HIF3A: variants seen among roughly 807,000 people sequenced by gnomAD.
HIF3A encodes hypoxia inducible factor 3 subunit alpha, also known as hypoxia-inducible factor 3-alpha.
HIF3A carries 41 observed loss-of-function variants against 67.2 expected under a neutral mutation model. The observed-to-expected ratio is 0.61, with a 90% confidence interval of 0.48 to 0.79. The LOEUF is 0.79. Among genes scored for constraint, HIF3A ranks in the 30% least tolerant of loss-of-function variants. The pLI is 0.00. For missense variants in HIF3A, 855 were observed against 898.0 expected (o/e 0.95, Z 0.61); for synonymous variants, 356 against 374.8 (o/e 0.95, Z 0.58).
At position 46,308,261 on chromosome 19, in the gene HIF3A, C is replaced by T; in HGVS notation, c.404C>T (p.Pro135Leu). The change falls in exon 4 of 15, where the codon CCC becomes CTC. Residue 135 changes from proline (P) to leucine (L), a missense_variant. Coordinates refer to ENST00000377670, the MANE Select transcript of HIF3A (RefSeq NM_152795.4). The stretch of plus-strand genomic sequence containing the variant: ...CACAGCATCTTTGATTTCATCCACC[C>T]CTGTGACCAAGAGGAGCTTCAGGAC... ...IGHSIFDFIH[P>L]CDQEELQDAL... The T allele has an allele frequency of 1.2e-6, 2 of 1,613,924 alleles. No individual in the cohort carries two copies. Among genetic ancestry groups the T allele is most frequent in the Non-Finnish European group, 1.7e-6 (2 of 1,179,884 alleles).
chr19:46,325,741 G>A, intron 11 of HIF3A, 102 bp downstream of exon 11: 8 of 709,768 alleles, frequency 1.1e-5, no homozygotes, highest in South Asian at 3.3e-5. Flanking sequence ...GGAATGAATG[G>A]ATGGATGGAT....
intron 14 of HIF3A, among the ~76,000 whole-genome samples, chr19:46,338,836 C>T (rs1478609054): frequency 6.6e-6 from 1 of 152,104 alleles, no homozygotes; most frequent in African/African-American, 2.4e-5. Context: ...CCCTGAACAC[C>T]CCAGAGAGGT....
Position 46,339,650 on chromosome 19 carries a change from C to G in HIF3A, c.*28C>G, listed in dbSNP as rs1971862622. 2 of 1,521,656 alleles carry G rather than the reference C, an allele frequency of 1.3e-6. No homozygotes were observed. Among genetic ancestry groups the G allele is most frequent in the African/African-American group, 1.4e-5 (1 of 72,254 alleles). The allele number at this position is 1,521,656 out of a possible 1,614,324, so 94.3% of individuals were successfully genotyped here. A position where few individuals can be genotyped will look rare whatever the true frequency, so the allele number is the denominator to read the frequency against. On this transcript the variant is annotated 3_prime_UTR_variant, in exon 15 of 15. Transcript: ENST00000377670. ...CGGCTCCTCTCCCCATCTGCCTTCTCCTCCCCCAGAAAGGACCTCAACCAC... is the reference window on the plus strand; with the variant it reads ...CGGCTCCTCTCCCCATCTGCCTTCTGCTCCCCCAGAAAGGACCTCAACCAC...
At chr19:46,307,893 C>T (rs189262648) in intron 3 of HIF3A, among the ~76,000 whole-genome samples, 96 of 152,032 alleles carry the variant, frequency 6.3e-4, no homozygotes, top group African/African-American at 1.9e-3. Context: ...GCCACTGCCC[C>T]GCTGCATTCC....
At chr19:46,336,028 G>A (rs1391259767) in intron 14 of HIF3A, among the ~76,000 whole-genome samples, 1 of 151,324 alleles carries the variant, frequency 6.6e-6, no homozygotes, top group South Asian at 2.1e-4. Flanking sequence ...GTGACAGGGC[G>A]AGATCCTGTC....
chr19:46,321,999 T>C, intron 10 of HIF3A, 33 bp downstream of exon 10: 2 of 1,605,934 alleles, frequency 1.2e-6, no homozygotes, highest in Non-Finnish European at 1.7e-6. Flanking sequence ...GCCCTCAGCA[T>C]CCAGTGCTCA....
At position 46,309,195 on chromosome 19, in the gene HIF3A, G is replaced by T. The variant is rs145463725; in HGVS notation, c.606G>T (p.Ala202=). 6.2e-7 allele frequency: 1 copy of T among 1,613,948 alleles called. No homozygotes were observed. The highest frequency in any genetic ancestry group is 1.1e-5 in the South Asian group (1 of 91,080). ...ATATGAGGGCCTACAAGCCACCTGC[G>T]CAGACTTCTCCAGCTGGGAGCCCTG... ...SGHMRAYKPP[A]QTSPAGSPDS... Residue 202 remains alanine (A), a synonymous_variant, in exon 6 of 15, where the codon GCG becomes GCT. Transcript: ENST00000377670.
intron 8 of HIF3A, among the ~76,000 whole-genome samples, chr19:46,314,485 C>T (rs1969759836): frequency 6.8e-6 from 1 of 147,338 alleles, no homozygotes; most frequent in African/African-American, 2.5e-5. Context: ...AATTGTGTAA[C>T]CACTATCACA....
At chr19:46,298,899 A>G (rs1043655687) in intron 1 of HIF3A, among the ~76,000 whole-genome samples, 4 of 150,472 alleles carry the variant, frequency 2.7e-5, no homozygotes, top group Non-Finnish European at 5.9e-5. Flanking sequence ...CCCCCCCCCA[A>G]TACCCAGCTG....
chr19:46,339,724 C>T lies in HIF3A; in HGVS notation c.*102C>T, dbSNP rs10402090. ...CAGGATGGGGGCGCCAGGAGAGGGGCCCCTCTCTCCTCTATGTACCCCCTG... is the reference window on the plus strand; with the variant it reads ...CAGGATGGGGGCGCCAGGAGAGGGGTCCCTCTCTCCTCTATGTACCCCCTG... On this transcript the variant is annotated 3_prime_UTR_variant, in exon 15 of 15. Transcript: ENST00000377670. 2.8e-3 allele frequency: 2,072 copies of T among 746,178 alleles called. 37 individuals carry two copies. The African/African-American group carries it at 0.033, about 12-fold the overall frequency. 46.2% of individuals were successfully genotyped at this position (746,178 alleles called of 1,614,324 possible).
chr19:46,304,332 C>G (rs2072491), intron 2 of HIF3A: 1 of 571,460 alleles, frequency 1.7e-6, no homozygotes, highest in Non-Finnish European at 3.1e-6. Context: ...TGAGGCCCCG[C>G]CCCTGGAACG....
chr19:46,319,624 G>A (rs537288409), intron 8 of HIF3A, among the ~76,000 whole-genome samples: 52 of 152,226 alleles, frequency 3.4e-4, no homozygotes, highest in African/African-American at 1.1e-3. Flanking sequence ...TTCCTATTTG[G>A]TCATGTAATG....
intron 14 of HIF3A, chr19:46,338,653 C>A: frequency 2.4e-6 from 1 of 417,756 alleles, no homozygotes; most frequent in Non-Finnish European, 3.3e-6. Flanking sequence ...TTATTCCTCA[C>A]AACAGAGGAG....
chr19:46,329,894 G>A (rs907050435), intron 12 of HIF3A, among the ~76,000 whole-genome samples: 2 of 148,680 alleles, frequency 1.3e-5, no homozygotes, highest in African/African-American at 5.0e-5. Flanking sequence ...CCAGGAGATC[G>A]AGGCTGCAGC....
chr19:46,332,624 T>C (rs77766885), intron 13 of HIF3A, among the ~76,000 whole-genome samples: 3,572 of 152,316 alleles, frequency 0.023, 168 homozygotes, highest in African/African-American at 0.082. Context: ...CCTCTAGTGC[T>C]TACAGCAGTG....
rs988299704 is a variant in HIF3A, at chr19:46,313,266, C to G, written c.1025+613C>G. On this transcript the variant is annotated intron_variant, in intron 8 of 14. Coordinates refer to ENST00000377670, the MANE Select transcript of HIF3A (RefSeq NM_152795.4). Reference sequence around the variant, plus strand: ...ACTCTGTCTCAAACAAACAAACAAACAAACAAACAAAAGGACTCTATATTC... The same window carrying G: ...ACTCTGTCTCAAACAAACAAACAAAGAAACAAACAAAAGGACTCTATATTC... 70 of 970,920 alleles carry G rather than the reference C, an allele frequency of 7.2e-5. No individual in the cohort carries two copies. The African/African-American group carries it at 1.1e-3, about 15-fold the overall frequency. The allele number at this position is 970,920 out of a possible 1,614,324, so 60.1% of individuals were successfully genotyped here.
In HIF3A at chr19:46,342,711, A is replaced by G. The variant is rs1971973215; in HGVS notation, c.*3089A>G. 1 of 152,194 alleles carries G rather than the reference A, an allele frequency of 6.6e-6. No homozygotes were observed. Among genetic ancestry groups the G allele is most frequent in the South Asian group, 2.1e-4 (1 of 4,830 alleles). The allele number at this position is 152,194 out of a possible 1,614,324, so 9.4% of individuals were successfully genotyped here. A position where few individuals can be genotyped will look rare whatever the true frequency, so the allele number is the denominator to read the frequency against. On this transcript the variant is annotated 3_prime_UTR_variant, in exon 15 of 15. Transcript: ENST00000377670. ...AAAGATTCCTCTGGTTCTGAATCTTATAACCTCAACTCCCTAATTCCAGAC... is the reference window on the plus strand; with the variant it reads ...AAAGATTCCTCTGGTTCTGAATCTTGTAACCTCAACTCCCTAATTCCAGAC...
chr19:46,331,076 A>G (rs1971176954), intron 12 of HIF3A, 80 bp from the exon 13 acceptor site: 1 of 1,060,650 alleles, frequency 9.4e-7, no homozygotes, highest in South Asian at 1.5e-5. Flanking sequence ...GAGTGAATGA[A>G]TGCTCATCAC....
At chr19:46,310,190 A>G (rs1227779976) in intron 6 of HIF3A, among the ~76,000 whole-genome samples, 1 of 152,102 alleles carries the variant, frequency 6.6e-6, no homozygotes, top group Admixed American at 6.5e-5. Context: ...GCACCATTGC[A>G]CTCCAGCCTA....
Sources: allele counts gnomAD v4.1 joint callset (sites outside exome capture counted in the v4.1 genomes callset), GRCh38; gene constraint gnomAD v4.1.1; transcripts MANE v1.5; gene names NCBI Gene and HGNC (gene_info 2026-07-23, HGNC 2026-07-21).